ANK3: variants seen among roughly 807,000 people sequenced by gnomAD.
The protein encoded by ANK3 is ankyrin 3.
ANK3 carries 57 observed loss-of-function variants against 370.9 expected under a neutral mutation model. The observed-to-expected ratio is 0.15, with a 90% CI of 0.12 to 0.19. The LOEUF is 0.19. Ranked by LOEUF, ANK3 falls within the 10% of genes least tolerant of loss-of-function variation. ANK3 has a pLI of 1.00. For missense variants in ANK3, 4,439 were observed against 5,302.1 expected (o/e 0.84, Z 5.06); for synonymous variants, 1,929 against 1,946.3 (o/e 0.99, Z 0.23).
chr10:60,266,628 C>G (rs1294244276), intron 5 of ANK3, among the ~76,000 whole-genome samples: 1 of 152,194 alleles, frequency 6.6e-6, no homozygotes, highest in African/African-American at 2.4e-5. Context: ...AGAAAATAAA[C>G]TGCAACTGAG....
Position 60,559,059 on chromosome 10 carries a change from T to A in ANK3, c.96+56127A>T, listed in dbSNP as rs1454731965. Among the ~76,000 whole-genome samples, 3 of 152,224 alleles carry A rather than the reference T, an allele frequency of 2.0e-5. No individual in the cohort carries two copies. In the South Asian group the frequency reaches 6.2e-4, roughly 31 times the overall value. ...TGATAAGTAGCACAAAATCTATTCT[T>A]ATGCTAGCAATGCTTTTAACACTAA... On this transcript the variant is annotated intron_variant, in intron 2 of 43. Coordinates refer to the ANK3 transcript ENST00000373827.
intron 2 of ANK3, among the ~76,000 whole-genome samples, chr10:60,610,268 T>G (rs1303565378): frequency 6.6e-6 from 1 of 152,050 alleles, no homozygotes; most frequent in Non-Finnish European, 1.5e-5. Context: ...TCCCAGCACT[T>G]TGGGAGGCTG....
At chr10:60,415,178 T>TG (rs2063636076) in intron 2 of ANK3, among the ~76,000 whole-genome samples, 1 of 152,008 alleles carries the variant, frequency 6.6e-6, no homozygotes, top group Non-Finnish European at 1.5e-5. Context: ...TGATCAGCTG[T>TG]GGGGCATGGG....
intron 1 of ANK3, among the ~76,000 whole-genome samples, chr10:60,641,103 A>G (rs2078626320): frequency 6.6e-6 from 1 of 150,654 alleles, no homozygotes; most frequent in Non-Finnish European, 1.5e-5. Context: ...AAGGAGAACT[A>G]CAAACCACTG....
At chr10:60,211,354 A>G (rs1352663818) in intron 9 of ANK3, among the ~76,000 whole-genome samples, 1 of 152,138 alleles carries the variant, frequency 6.6e-6, no homozygotes, top group Non-Finnish European at 1.5e-5. Flanking sequence ...AGGTGATCAC[A>G]GAAAAAGGAA....
chr10:60,442,216 C>A (rs1024457737), intron 2 of ANK3, among the ~76,000 whole-genome samples: 3 of 151,736 alleles, frequency 2.0e-5, no homozygotes, highest in African/African-American at 7.3e-5. Context: ...CTGTCTCGGC[C>A]TTTCCAGTAG....
intron 39 of ANK3, among the ~76,000 whole-genome samples, chr10:60,063,455 A>G (rs548247934): frequency 6.6e-6 from 1 of 152,324 alleles, no homozygotes; most frequent in South Asian, 2.1e-4. Context: ...ATCACTTTGT[A>G]AAGCTGTGTT....
chr10:60,511,045 A>T (rs548292499), intron 2 of ANK3, among the ~76,000 whole-genome samples: 3 of 152,118 alleles, frequency 2.0e-5, no homozygotes, highest in Non-Finnish European at 4.4e-5. Context: ...AATAGCATTC[A>T]TCAGGTCTAG....
chr10:60,138,979 C>T lies in ANK3; in HGVS notation c.2723G>A (p.Gly908Glu), dbSNP rs773213347. The T allele has an allele frequency of 1.1e-5, 18 of 1,613,758 alleles. No individual in the cohort carries two copies. The part of the protein sequence containing the change: ...PAEGYMGFSL[G>E]ARSASLRSFS... ...AACGAAGTACCTGGCAGAACGCGCTCCGAGACTAAAGCCCATGTAACCCTC... is the reference window on the plus strand; with the variant it reads ...AACGAAGTACCTGGCAGAACGCGCTTCGAGACTAAAGCCCATGTAACCCTC... The change falls in exon 24 of 44, where the codon GGA (glycine) becomes GAA (glutamate). Residue 908 changes from glycine to glutamate, a missense_variant. Coordinates refer to ENST00000280772, the MANE Select transcript of ANK3 (RefSeq NM_020987.5).
chr10:60,373,550 T>C (rs1172039204), intron 1 of ANK3, among the ~76,000 whole-genome samples: 2 of 152,012 alleles, frequency 1.3e-5, no homozygotes, highest in African/African-American at 2.4e-5. Context: ...AGTCAGGAGA[T>C]GGTAGGAAAT....
At chr10:60,066,942 TG>T (rs994287529) in intron 38 of ANK3, among the ~76,000 whole-genome samples, 29 of 152,166 alleles carry the variant, frequency 1.9e-4, no homozygotes, top group Non-Finnish European at 3.5e-4. Context: ...TTTATTGAGA[TG>T]GAGTCTCACG....
At chr10:60,413,827 T>A (rs542845355) in intron 2 of ANK3, among the ~76,000 whole-genome samples, 1 of 152,154 alleles carries the variant, frequency 6.6e-6, no homozygotes, top group African/African-American at 2.4e-5. Context: ...AAACCCTATC[T>A]CTACAAAAAA....
intron 1 of ANK3, among the ~76,000 whole-genome samples, chr10:60,703,817 T>A (rs571587922): frequency 2.0e-5 from 3 of 152,198 alleles, no homozygotes; most frequent in African/African-American, 7.2e-5. Flanking sequence ...TAGTGATGAG[T>A]AGTTCCATAT....
At chr10:60,153,000 T>C (rs2095201682) in intron 23 of ANK3, among the ~76,000 whole-genome samples, 1 of 152,226 alleles carries the variant, frequency 6.6e-6, no homozygotes, top group African/African-American at 2.4e-5. Context: ...CAGAAATGTA[T>C]GCATATGTGT....
Position 60,029,686 on chromosome 10 carries a change from T to G in ANK3, c.*160A>C, listed in dbSNP as rs1588962620. 6.6e-6 allele frequency: 1 copy of G among 152,334 alleles called. No homozygotes were observed. Among genetic ancestry groups the G allele is most frequent in the Admixed American group, 6.6e-5 (1 of 15,240 alleles). The allele number at this position is 152,334 out of a possible 1,614,324, so 9.4% of individuals were successfully genotyped here. A position where few individuals can be genotyped will look rare whatever the true frequency, so the allele number is the denominator to read the frequency against. On this transcript the variant is annotated 3_prime_UTR_variant, in exon 44 of 44. Coordinates refer to ENST00000280772, the MANE Select transcript of ANK3 (RefSeq NM_020987.5). ...TAAATTAAAATGTGGGTGGTTTTCT[T>G]TTCTTTTCTTTTTGCATAAAAAAAA...
At chr10:60,422,832 G>A (rs1182745765) in intron 2 of ANK3, among the ~76,000 whole-genome samples, 2 of 152,036 alleles carry the variant, frequency 1.3e-5, no homozygotes, top group African/African-American at 4.8e-5. Context: ...AGCTCATGTG[G>A]GAGTGATTTT....
intron 43 of ANK3, among the ~76,000 whole-genome samples, chr10:60,032,191 C>CTTTTTTTTTT (rs1564505236): frequency 2.4e-4 from 14 of 57,930 alleles, no homozygotes; most frequent in African/African-American, 8.6e-4. Flanking sequence ...AAATACACAG[C>CTTTTTTTTTT]TTCTTTTTTT....
chr10:60,354,824 T>A (rs1244209324), intron 1 of ANK3, among the ~76,000 whole-genome samples: 1 of 152,178 alleles, frequency 6.6e-6, no homozygotes, highest in African/African-American at 2.4e-5. Flanking sequence ...ATAATACACG[T>A]TTATCTTATG....
chr10:60,622,036 T>A (rs1424527938), intron 1 of ANK3, among the ~76,000 whole-genome samples: 1 of 152,136 alleles, frequency 6.6e-6, no homozygotes, highest in Non-Finnish European at 1.5e-5. Flanking sequence ...TCATTTATGA[T>A]GGAATAATGA....
Sources: gnomAD v4.1 joint callset for allele counts (sites outside exome capture counted in the v4.1 genomes callset) on GRCh38, gnomAD v4.1.1 for gene constraint, MANE v1.5 for transcripts, NCBI Gene and HGNC (gene_info 2026-07-23, HGNC 2026-07-21) for gene names.